MYO15A: variants seen among roughly 807,000 people sequenced by gnomAD.
MYO15A encodes the protein myosin XVA, also known as unconventional myosin-XV.
A neutral mutation model predicts 394.6 loss-of-function variants in MYO15A; 308 were observed. The observed-to-expected ratio is 0.78, with a 90% CI of 0.71 to 0.86. The LOEUF (loss-of-function observed/expected upper bound fraction) is 0.86, where lower values mean the gene tolerates loss of function less well. MYO15A is among the 40% of genes least tolerant of loss of function. MYO15A has a pLI of 0.00. For missense variants in MYO15A, 4,606 were observed against 4,799.1 expected, an observed-to-expected ratio of 0.96 and a Z score of 1.19; for synonymous variants, 1,957 against 2,003.8, an observed-to-expected ratio of 0.98 and a Z score of 0.62.
At chr17:18,158,176 G>A (rs991594784) in intron 51 of MYO15A, 7 of 595,080 alleles carry the variant, frequency 1.2e-5, no homozygotes, top group Non-Finnish European at 2.1e-5. Context: ...GACCAGCCGG[G>A]GCCCGCCAGT....
chr17:18,119,483 G>A lies in MYO15A; in HGVS notation c.683G>A (p.Gly228Asp). The part of the protein sequence containing the change: ...GSRKSLYGLE[G>D]FQDLGEYYDY... ...CGCAAGTCGCTGTACGGGCTTGAGG[G>A]CTTCCAGGACCTGGGCGAGTATTAT... Residue 228 changes from glycine to aspartate, a missense_variant, in exon 2 of 66, where the codon GGC (glycine) becomes GAC (aspartate). Around this residue, in one of 2 missense-constraint regions of MYO15A, gnomAD observed 1,830 missense variants for 1,689.7 expected, o/e 1.08. Coordinates refer to ENST00000647165, the MANE Select transcript of MYO15A (RefSeq NM_016239.4). 3.7e-6 allele frequency: 6 copies of A among 1,612,640 alleles called. No individual in the cohort carries two copies. The highest frequency in any genetic ancestry group is 5.1e-6 in the Non-Finnish European group (6 of 1,179,984).
intron 50 of MYO15A, 25 bp downstream of exon 50, chr17:18,157,255 C>A: frequency 6.3e-7 from 1 of 1,580,946 alleles, no homozygotes. Flanking sequence ...ACCTGGAACC[C>A]CATACGGGGC....
chr17:18,154,637 G>C, intron 44 of MYO15A, 43 bp from the exon 45 acceptor site: 1 of 1,601,014 alleles, frequency 6.2e-7, no homozygotes, highest in East Asian at 2.2e-5. Context: ...GTCCCAGCTG[G>C]GGGAGTCCCA....
chr17:18,139,728 CCAGA>C (rs1486450860), intron 19 of MYO15A, 117 bp downstream of exon 19: 22 of 1,255,014 alleles, frequency 1.8e-5, no homozygotes, highest in Admixed American at 7.9e-5. Flanking sequence ...TTAGCTTTGG[CCAGA>C]CAAAGACAAG....
In MYO15A at chr17:18,136,683, C is replaced by T. The variant is rs1207730862; in HGVS notation, c.4776C>T (p.Phe1592=). Residue 1592 remains phenylalanine (F), a synonymous_variant, in exon 15 of 66, where the codon TTC becomes TTT. Transcript: ENST00000647165. ...TCGCCATCCTGGACATCTATGGTTT[C>T]GAGGTGGGGCCGTGTAGGAGGCTGA... is the stretch of plus-strand genomic sequence containing the variant. The part of the protein sequence containing the change: ...LSIAILDIYG[F]EDLSFNSFEQ... The T allele has an allele frequency of 6.9e-6, 11 of 1,603,076 alleles. No individual in the cohort carries two copies. Among genetic ancestry groups the T allele is most frequent in the Admixed American group, 5.1e-5 (3 of 58,856 alleles).
rs1191099277 is a variant in MYO15A at position 18,117,500 on chromosome 17, C to T, written c.-219-1082C>T. ...AAACCTTAAACAACCAAAGAATTAG[C>T]TCTGGGACCAAAAGAGTGAACCAGA... On this transcript the variant is annotated intron_variant, in intron 1 of 65. Transcript: ENST00000647165. The surrounding 1 kb of genome is among the most constrained non-coding windows in gnomAD (Gnocchi z 4.1). 6.6e-6 allele frequency among the ~76,000 whole-genome samples: 1 copy of T among 152,196 alleles called. No homozygotes were observed. Among genetic ancestry groups the T allele is most frequent in the Non-Finnish European group, 1.5e-5 (1 of 68,040 alleles).
chr17:18,151,826 C>T lies in MYO15A; in HGVS notation c.7788-20C>T, dbSNP rs375278395. ...AGGGAGACTCAGTGTCAACCCACCA[C>T]AGTACTCCAATGCCCACAGGAAGGA... On this transcript the variant is annotated intron_variant, in intron 40 of 65. Transcript: ENST00000647165. The T allele has an allele frequency of 3.2e-6, 5 of 1,562,184 alleles. No individual in the cohort carries two copies. The highest frequency in any genetic ancestry group is 4.3e-6 in the Non-Finnish European group (5 of 1,151,458).
chr17:18,172,809 G>T, intron 64 of MYO15A: 2 of 200,836 alleles, frequency 1.0e-5, no homozygotes, highest in Non-Finnish European at 1.0e-5. Flanking sequence ...CATCCTAACA[G>T]CTTCATTTTA....
At chr17:18,161,095 A>C in intron 56 of MYO15A, 1 of 696,226 alleles carries the variant, frequency 1.4e-6, no homozygotes, top group East Asian at 2.7e-5. Context: ...TGCTTCCCCT[A>C]CCTGGGGAAG....
intron 50 of MYO15A, 190 bp from the exon 51 acceptor site, chr17:18,157,532 C>T: frequency 8.2e-7 from 1 of 1,221,230 alleles, no homozygotes; most frequent in Non-Finnish European, 1.1e-6. Context: ...CCTTTATGGT[C>T]CTGTGGCCCT....
At position 18,125,010 on chromosome 17, in the gene MYO15A, A is replaced by G. The variant is rs1247552062; in HGVS notation, c.3693-158A>G. On this transcript the variant is annotated intron_variant, in intron 3 of 65. Transcript: ENST00000647165. Reference sequence around the variant, plus strand: ...ACAAATGAAGAAAAAGGCACAGAATAGGGAAGTAATTTGTCCAAGGTCTCC... The same window carrying G: ...ACAAATGAAGAAAAAGGCACAGAATGGGGAAGTAATTTGTCCAAGGTCTCC... 5 of 733,970 alleles carry G rather than the reference A, an allele frequency of 6.8e-6. No homozygotes were observed. The Admixed American group carries it at 9.8e-5, about 14-fold the overall frequency. 45.5% of individuals were successfully genotyped at this position (733,970 alleles called of 1,614,324 possible). A position where few individuals can be genotyped will look rare whatever the true frequency, so the allele number is the denominator to read the frequency against.
chr17:18,120,592 G>A lies in MYO15A; in HGVS notation c.1792G>A (p.Gly598Ser). Residue 598 changes from glycine (G) to serine (S), a missense_variant, in exon 2 of 66, where the codon GGC (glycine) becomes AGC (serine). Gly to Ser is a moderately conservative substitution (Grantham distance 56). This residue lies in a region of MYO15A where 1,830 missense variants were observed against 1,689.7 expected (regional missense o/e 1.08). Transcript: ENST00000647165. ...CAGGGGCAGCCAGAAGGCCCGGGCGGGCGGCCCTGCTGTCAGGGAGGCGGC... is the reference window on the plus strand; with the variant it reads ...CAGGGGCAGCCAGAAGGCCCGGGCGAGCGGCCCTGCTGTCAGGGAGGCGGC... ...RLRGSQKARA[G>S]GPAVREAAYK... 6.3e-7 allele frequency: 1 copy of A among 1,597,974 alleles called. No homozygotes were observed. Among genetic ancestry groups the A allele is most frequent in the Non-Finnish European group, 8.5e-7 (1 of 1,174,544 alleles).
intron 13 of MYO15A, among the ~76,000 whole-genome samples, chr17:18,136,077 A>G (rs970957710): frequency 6.6e-6 from 1 of 152,144 alleles, no homozygotes; most frequent in Non-Finnish European, 1.5e-5. Flanking sequence ...GACCCTATCC[A>G]GGTATCCCCT....
In MYO15A at chr17:18,148,467, A is replaced by T; in HGVS notation, c.6692-29A>T. 6.4e-7 allele frequency: 1 copy of T among 1,551,372 alleles called. No individual in the cohort carries two copies. The highest frequency in any genetic ancestry group is 8.7e-7 in the Non-Finnish European group (1 of 1,146,974). On this transcript the variant is annotated intron_variant, in intron 31 of 65. Coordinates refer to ENST00000647165, the MANE Select transcript of MYO15A (RefSeq NM_016239.4). This position sits in a 1 kb window ranked among gnomAD's most constrained non-coding sequence, Gnocchi z 4.8. ...AGCCAAACTGGACTCAGATGCTCCA[A>T]CCTGAGCCCGGCACCTGCTGCGCCC...
Position 18,157,728 on chromosome 17 carries a change from G to T in MYO15A, c.8795G>T (p.Arg2932Met). Residue 2932 changes from arginine to methionine, a missense_variant, in exon 51 of 66, where the codon AGG (arginine) becomes ATG (methionine). Around this residue, in one of 2 missense-constraint regions of MYO15A, gnomAD observed 2,776 missense variants for 3,109.3 expected, o/e 0.89. Transcript: ENST00000647165. ...ACCTTTTACCCACCCCTAGGCTGGA[G>T]GTTCGGGACCATCCACGGGCGCGTG... is the stretch of plus-strand genomic sequence containing the variant. The part of the protein sequence containing the change: ...LRRRGPDFGW[R>M]FGTIHGRVGR... 1 of 1,606,168 alleles carries T rather than the reference G, an allele frequency of 6.2e-7. No individual in the cohort carries two copies. The highest frequency in any genetic ancestry group is 1.1e-5 in the South Asian group (1 of 91,080).
rs1274273664 is a variant in MYO15A at position 18,151,534 on chromosome 17, A to G, written c.7787+7A>G. On this transcript the variant is annotated splice_region_variant and intron_variant, in intron 40 of 65. Transcript: ENST00000647165. ...GCCGGCCTGAGGCCCTCAGGTCAGC[A>G]CTGCCCCTGCCCCCAGCCCGCCAGC... The G allele has an allele frequency of 1.9e-6, 3 of 1,613,846 alleles. No homozygotes were observed. The highest frequency in any genetic ancestry group is 2.2e-5 in the South Asian group (2 of 91,082).
Position 18,121,478 on chromosome 17 carries a change from G to A in MYO15A, c.2678G>A (p.Arg893Gln), listed in dbSNP as rs1352023412. The change falls in exon 2 of 66, where the codon CGA (arginine) becomes CAA (glutamine). Residue 893 changes from arginine to glutamine, a missense_variant. This residue lies in a region of MYO15A where 1,830 missense variants were observed against 1,689.7 expected (regional missense o/e 1.08). Coordinates refer to ENST00000647165, the MANE Select transcript of MYO15A (RefSeq NM_016239.4). This position sits in a 1 kb window ranked among gnomAD's most constrained non-coding sequence, Gnocchi z 5.3. ...VKPQVRLPFHRPPRAGAWRAP... is the reference protein window; with the variant it reads ...VKPQVRLPFHQPPRAGAWRAP... ...CCGCAAGTGCGCCTGCCCTTCCACC[G>A]ACCGCCCAGGGCCGGGGCCTGGCGG... 1.9e-6 allele frequency: 3 copies of A among 1,550,488 alleles called. No individual in the cohort carries two copies. The highest frequency in any genetic ancestry group is 1.7e-4 in the Middle Eastern group (1 of 5,790).
In MYO15A at chr17:18,163,963, C is replaced by T. The variant is rs1423666913; in HGVS notation, c.9787+125C>T. The T allele has an allele frequency of 3.3e-6, 3 of 917,862 alleles. No individual in the cohort carries two copies. In the African/African-American group the frequency reaches 4.9e-5, roughly 15 times the overall value. The allele number at this position is 917,862 out of a possible 1,614,324, so 56.9% of individuals were successfully genotyped here. On this transcript the variant is annotated intron_variant, in intron 60 of 65. Coordinates refer to ENST00000647165, the MANE Select transcript of MYO15A (RefSeq NM_016239.4). ...CCACTTCCTCCAGGAAGCCCCTTGACCCCCATGTGGAAGGATCTCTGTGTG... is the reference window on the plus strand; with the variant it reads ...CCACTTCCTCCAGGAAGCCCCTTGATCCCCATGTGGAAGGATCTCTGTGTG...
At chr17:18,111,758 G>A (rs569419157) in intron 1 of MYO15A, among the ~76,000 whole-genome samples, 1 of 152,352 alleles carries the variant, frequency 6.6e-6, no homozygotes, top group East Asian at 1.9e-4. Flanking sequence ...GACGTTGGCA[G>A]TCATAACAAC....
Sources: allele counts gnomAD v4.1 joint callset (sites outside exome capture counted in the v4.1 genomes callset), GRCh38; gene constraint gnomAD v4.1.1; regional missense constraint gnomAD v4.1.1; non-coding constraint Gnocchi (gnomAD v3.1); transcripts MANE v1.5; gene names NCBI Gene and HGNC (gene_info 2026-07-23, HGNC 2026-07-21).